Variants in ZNF732 observed in about 807,000 individuals in gnomAD.
The protein encoded by ZNF732 is zinc finger protein 732.
Under a neutral mutation model 11.5 loss-of-function variants are expected in ZNF732, and 12 were observed. The observed-to-expected ratio is 1.05, with a 90% CI of 0.67 to 1.70. ZNF732 has a LOEUF of 1.70. ZNF732 is among the 40% of genes most tolerant of loss of function. The pLI, the probability that ZNF732 is intolerant of heterozygous loss-of-function variation, is 0.00. For synonymous variants in ZNF732, 231 were observed against 236.5 expected (o/e 0.98, Z 0.21); for missense variants, 702 against 676.9 (o/e 1.04, Z -0.41).
Position 270,897 on chromosome 4 carries a change from G to T in ZNF732, c.*202C>A, listed in dbSNP as rs180779269. On this transcript the variant is annotated 3_prime_UTR_variant, in exon 4 of 4. Coordinates refer to ENST00000419098, the MANE Select transcript of ZNF732 (RefSeq NM_001137608.3). Reference sequence around the variant, plus strand: ...TTTTCTTATGTTGATTCAGGTATGCGGACTGTTTGAAGGCTTTCCCACATT... The same window carrying T: ...TTTTCTTATGTTGATTCAGGTATGCTGACTGTTTGAAGGCTTTCCCACATT... The T allele has an allele frequency of 2.8e-6, 2 of 718,866 alleles. No individual in the cohort carries two copies. Among genetic ancestry groups the T allele is most frequent in the Non-Finnish European group, 5.0e-6 (2 of 397,000 alleles). 44.5% of individuals were successfully genotyped at this position (718,866 alleles called of 1,614,324 possible). A position where few individuals can be genotyped will look rare whatever the true frequency, so the allele number is the denominator to read the frequency against.
intron 3 of ZNF732, among the ~76,000 whole-genome samples, chr4:294,144 G>A (rs1369695693): frequency 1.3e-5 from 2 of 152,126 alleles, no homozygotes; most frequent in East Asian, 3.9e-4. Context: ...TGGATTACAG[G>A]CGCCCCCCAC....
intron 2 of ZNF732, 92 bp from the exon 3 acceptor site, chr4:295,625 G>A (rs782410776): frequency 1.6e-5 from 18 of 1,108,410 alleles, no homozygotes; most frequent in Middle Eastern, 2.0e-4. Context: ...AATTATGGAA[G>A]ATCCTACATA....
At position 270,928 on chromosome 4, in the gene ZNF732, C is replaced by A; in HGVS notation, c.*171G>T. 1.3e-6 allele frequency: 1 copy of A among 764,040 alleles called. No homozygotes were observed. The highest frequency in any genetic ancestry group is 2.3e-6 in the Non-Finnish European group (1 of 435,036). 47.3% of individuals were successfully genotyped at this position (764,040 alleles called of 1,614,324 possible). ...TTTGAAGGCTTTCCCACATTCTTTACATTTGTAGGGTTTTTCTCCAGTATG... is the reference window on the plus strand; with the variant it reads ...TTTGAAGGCTTTCCCACATTCTTTAAATTTGTAGGGTTTTTCTCCAGTATG... On this transcript the variant is annotated 3_prime_UTR_variant, in exon 4 of 4. Coordinates refer to ENST00000419098, the MANE Select transcript of ZNF732 (RefSeq NM_001137608.3).
At chr4:299,429 ATATG>A (rs1367624369) in intron 1 of ZNF732, among the ~76,000 whole-genome samples, 1 of 80,942 alleles carries the variant, frequency 1.2e-5, no homozygotes, top group Non-Finnish European at 2.3e-5. Context: ...ATATATACAC[ATATG>A]TGTATATATA....
At chr4:292,820 G>A (rs2108658298) in intron 3 of ZNF732, among the ~76,000 whole-genome samples, 1 of 148,788 alleles carries the variant, frequency 6.7e-6, no homozygotes, top group African/African-American at 2.5e-5. Flanking sequence ...GCTCAGGTGG[G>A]CGGATCACGA....
At chr4:291,143 T>C (rs1397357533) in intron 3 of ZNF732, among the ~76,000 whole-genome samples, 1 of 152,170 alleles carries the variant, frequency 6.6e-6, no homozygotes, top group Non-Finnish European at 1.5e-5. Context: ...AATATGATCA[T>C]GCATATATAT....
intron 1 of ZNF732, among the ~76,000 whole-genome samples, chr4:299,465 A>ATATACACATATATACACATATGTGTGTG (rs1720053760): frequency 1.9e-4 from 13 of 68,462 alleles, no homozygotes; most frequent in Non-Finnish European, 3.3e-4. Context: ...ATATGTGTAT[A>ATATACACATATATACACATATGTGTGTG]TATATATACA....
chr4:288,216 A>C (rs1719770810), intron 3 of ZNF732, among the ~76,000 whole-genome samples: 1 of 151,916 alleles, frequency 6.6e-6, no homozygotes, highest in South Asian at 2.1e-4. Context: ...TGGGACTCTT[A>C]ATGTTTGTTA....
In ZNF732 at chr4:295,537, T is replaced by C; in HGVS notation, c.131-4A>G. 6.2e-7 allele frequency: 1 copy of C among 1,607,322 alleles called. No individual in the cohort carries two copies. Among genetic ancestry groups the C allele is most frequent in the Non-Finnish European group, 8.5e-7 (1 of 1,176,190 alleles). On this transcript the variant is annotated splice_polypyrimidine_tract_variant and splice_region_variant and intron_variant, in intron 2 of 3. Transcript: ENST00000419098. Reference sequence around the variant, plus strand: ...TCTGGGTTAGAGATAGCAACACCTGTTTATTTTAAAAAATTAACATGCTAC... The same window carrying C: ...TCTGGGTTAGAGATAGCAACACCTGCTTATTTTAAAAAATTAACATGCTAC...
intron 3 of ZNF732, among the ~76,000 whole-genome samples, chr4:287,612 G>A (rs138993075): frequency 0.013 from 1,972 of 151,768 alleles, 24 homozygotes; most frequent in Middle Eastern, 0.061. Flanking sequence ...TAATCCTGAT[G>A]AAAACACAAA....
At chr4:279,694 TA>T (rs782479914) in intron 3 of ZNF732, among the ~76,000 whole-genome samples, 39 of 152,200 alleles carry the variant, frequency 2.6e-4, no homozygotes, top group Non-Finnish European at 4.6e-4. Context: ...TAAGCAATGT[TA>T]GGTTTTTCAT....
At chr4:296,221 A>G in intron 1 of ZNF732, 66 bp from the exon 2 acceptor site, 1 of 1,579,410 alleles carries the variant, frequency 6.3e-7, no homozygotes, top group South Asian at 1.2e-5. Flanking sequence ...GAGTTAAGAG[A>G]ACTAGTTCTG....
chr4:301,646 T>C (rs993410007), intron 1 of ZNF732, among the ~76,000 whole-genome samples: 11 of 152,120 alleles, frequency 7.2e-5, no homozygotes, highest in Admixed American at 3.3e-4. Context: ...CATGTTCTCA[T>C]TCATAGGTGG....
chr4:285,115 G>A (rs1449770550), intron 3 of ZNF732, among the ~76,000 whole-genome samples: 1 of 152,092 alleles, frequency 6.6e-6, no homozygotes, highest in Non-Finnish European at 1.5e-5. Flanking sequence ...ATTTCCAGCA[G>A]GGCCTGGATT....
chr4:293,651 C>A (rs1553841731), intron 3 of ZNF732, among the ~76,000 whole-genome samples: 2 of 151,978 alleles, frequency 1.3e-5, no homozygotes, highest in Admixed American at 1.3e-4. Context: ...ATAGTTAATA[C>A]TATAATGTAT....
At position 273,882 on chromosome 4, in the gene ZNF732, A is replaced by G. The variant is rs543873867; in HGVS notation, c.227-1252T>C. On this transcript the variant is annotated intron_variant, in intron 3 of 3. Transcript: ENST00000419098. Reference sequence around the variant, plus strand: ...TAAGGTGCTAGGAAAAAAAAAAAAAACTTCTATGTGGGAATCATATAACCA... The same window carrying G: ...TAAGGTGCTAGGAAAAAAAAAAAAAGCTTCTATGTGGGAATCATATAACCA... 4.0e-5 allele frequency among the ~76,000 whole-genome samples: 6 copies of G among 151,632 alleles called. No individual in the cohort carries two copies. In the South Asian group the frequency reaches 1.2e-3, roughly 31 times the overall value.
chr4:303,238 C>T (rs782041987), intron 1 of ZNF732, among the ~76,000 whole-genome samples: 1 of 152,232 alleles, frequency 6.6e-6, no homozygotes, highest in Non-Finnish European at 1.5e-5. Flanking sequence ...GACCCCCCCT[C>T]CCCTTTCTAA....
chr4:280,352 AAGGCTGAGGC>A (rs1240646404), intron 3 of ZNF732, among the ~76,000 whole-genome samples: 1 of 150,118 alleles, frequency 6.7e-6, no homozygotes, highest in Non-Finnish European at 1.5e-5. Context: ...AGCACTTTGG[AAGGCTGAGGC>A]AGGTGGATCT....
At chr4:299,350 T>C (rs570763447) in intron 1 of ZNF732, among the ~76,000 whole-genome samples, 4 of 125,898 alleles carry the variant, frequency 3.2e-5, no homozygotes, top group Non-Finnish European at 5.0e-5. Context: ...TGAGTATATA[T>C]ACACATATAT....
Sources: allele counts gnomAD v4.1 joint callset (sites outside exome capture counted in the v4.1 genomes callset), GRCh38; gene constraint gnomAD v4.1.1; transcripts MANE v1.5; gene names NCBI Gene and HGNC (gene_info 2026-07-23, HGNC 2026-07-21).